The following AOPEP variants were observed in gnomAD, a reference collection of about 807,000 sequenced individuals.
AOPEP encodes aminopeptidase O.
A neutral mutation model predicts 98.1 loss-of-function variants in AOPEP; 77 were observed. The ratio of observed to expected loss-of-function variants is 0.78; its 90% CI spans 0.65 to 0.95. AOPEP has a LOEUF of 0.95. Among genes scored for constraint, AOPEP ranks in the 40% least tolerant of loss-of-function variants. The pLI is 0.00. For missense variants in AOPEP, 1,024 were observed against 1,024.7 expected, an observed-to-expected ratio of 1.00 and a Z score of 0.01; for synonymous variants, 346 against 365.3, an observed-to-expected ratio of 0.95 and a Z score of 0.60.
chr9:94,910,705 T>C (rs934678179), intron 5 of AOPEP, among the ~76,000 whole-genome samples: 1 of 152,228 alleles, frequency 6.6e-6, no homozygotes, highest in Non-Finnish European at 1.5e-5. Context: ...GCAGTGTTTC[T>C]AATTCTCTGT....
rs557317460 is a variant in AOPEP, at chr9:94,940,817, A to C, written c.1661+12286A>C. ...GCCTGGCTCGTCCCCTCATGTCCGC[A>C]TGGCTCTGGAGCTGGGCCCTTCCCT... is the stretch of plus-strand genomic sequence containing the variant. On this transcript the variant is annotated intron_variant, in intron 7 of 16. Coordinates refer to ENST00000375315, the MANE Select transcript of AOPEP (RefSeq NM_001193329.3). Among the ~76,000 whole-genome samples, 43 of 152,048 alleles carry C rather than the reference A, an allele frequency of 2.8e-4. 1 individual carries two copies. Among genetic ancestry groups the C allele is most frequent in the African/African-American group, 9.4e-4 (39 of 41,484 alleles).
chr9:95,069,756 T>C (rs2068287811), intron 14 of AOPEP, among the ~76,000 whole-genome samples: 1 of 152,238 alleles, frequency 6.6e-6, no homozygotes, highest in African/African-American at 2.4e-5. Flanking sequence ...GATCTCCATG[T>C]GCATGTCGAG....
At chr9:95,141,904 AACCTAATACT>A in the AOPEP span, among the ~76,000 whole-genome samples, 1 of 152,076 alleles carries the variant, frequency 6.6e-6, no homozygotes, top group Non-Finnish European at 1.5e-5. Context: ...AGTTTGCAAA[AACCTAATACT>A]ACACATTGTC....
At chr9:94,797,171 C>T (rs777987613) in intron 4 of AOPEP, among the ~76,000 whole-genome samples, 3 of 152,192 alleles carry the variant, frequency 2.0e-5, no homozygotes, top group African/African-American at 7.2e-5. Flanking sequence ...CGGTGGCTCA[C>T]GCCATTAATC....
intron 1 of AOPEP, among the ~76,000 whole-genome samples, chr9:94,748,684 T>C (rs939191268): frequency 6.6e-6 from 1 of 152,350 alleles, no homozygotes; most frequent in Admixed American, 6.5e-5. Context: ...ACACCTCCAT[T>C]CTGTAACACT....
At chr9:94,793,768 T>A (rs1846297353) in intron 4 of AOPEP, among the ~76,000 whole-genome samples, 1 of 152,026 alleles carries the variant, frequency 6.6e-6, no homozygotes, top group Non-Finnish European at 1.5e-5. Context: ...AGAAGGTAAG[T>A]ATATATGAAA....
the AOPEP span, among the ~76,000 whole-genome samples, chr9:95,120,867 CCCT>C: frequency 6.6e-6 from 1 of 151,644 alleles, no homozygotes; most frequent in Non-Finnish European, 1.5e-5. Context: ...TTCTTTTTTC[CCCT>C]CAATTTTTTT....
intron 5 of AOPEP, among the ~76,000 whole-genome samples, chr9:94,835,452 A>G (rs1168287475): frequency 6.6e-6 from 1 of 152,152 alleles, no homozygotes; most frequent in African/African-American, 2.4e-5. Context: ...CTAGTGATGG[A>G]TGGAAAGGGA....
chr9:95,086,366 T>C, intron 16 of AOPEP: 1 of 985,312 alleles, frequency 1.0e-6, no homozygotes, highest in Non-Finnish European at 1.2e-6. Flanking sequence ...AGGGCCCAGC[T>C]CTCCCACGGC....
At chr9:94,876,261 A>G (rs2046921373) in intron 5 of AOPEP, among the ~76,000 whole-genome samples, 1 of 152,168 alleles carries the variant, frequency 6.6e-6, no homozygotes, top group Non-Finnish European at 1.5e-5. Context: ...ATATTTAAAG[A>G]TGACAAAACC....
intron 1 of AOPEP, among the ~76,000 whole-genome samples, chr9:94,745,786 T>G (rs1397369775): frequency 6.6e-6 from 1 of 152,244 alleles, no homozygotes; most frequent in African/African-American, 2.4e-5. Flanking sequence ...ACACTTAGGT[T>G]GATGCCAAAT....
intron 5 of AOPEP, among the ~76,000 whole-genome samples, chr9:94,863,524 C>T (rs116000973): frequency 0.013 from 2,023 of 152,240 alleles, 60 homozygotes; most frequent in African/African-American, 0.046. Flanking sequence ...TCAGGTGATC[C>T]GCCTGCATGG....
intron 14 of AOPEP, among the ~76,000 whole-genome samples, chr9:95,062,805 C>T (rs1184983295): frequency 1.3e-5 from 2 of 152,210 alleles, no homozygotes; most frequent in Non-Finnish European, 2.9e-5. Flanking sequence ...AGGTTATGCA[C>T]ACCCTGCCTG....
At chr9:94,934,802 C>G (rs1055458449) in intron 7 of AOPEP, 1 of 152,484 alleles carries the variant, frequency 6.6e-6, no homozygotes, top group East Asian at 1.9e-4. Flanking sequence ...GTCATTCCTC[C>G]TCCATCTCCT....
chr9:95,014,502 G>A (rs2133011879), intron 13 of AOPEP, among the ~76,000 whole-genome samples: 1 of 152,128 alleles, frequency 6.6e-6, no homozygotes, highest in Middle Eastern at 3.4e-3. Flanking sequence ...AAACTTAAGA[G>A]TACTTCATTT....
At chr9:94,799,737 G>A (rs914722351) in intron 4 of AOPEP, among the ~76,000 whole-genome samples, 2 of 151,476 alleles carry the variant, frequency 1.3e-5, no homozygotes, top group South Asian at 2.1e-4. Context: ...TGGCACACAC[G>A]TGTAATCCCA....
intron 9 of AOPEP, among the ~76,000 whole-genome samples, chr9:94,957,622 A>T (rs549948621): frequency 6.6e-6 from 1 of 152,312 alleles, no homozygotes; most frequent in South Asian, 2.1e-4. Context: ...TTTTTGGTAT[A>T]TTTACAAGAT....
the AOPEP span, among the ~76,000 whole-genome samples, chr9:95,110,047 G>A: frequency 4.6e-5 from 7 of 152,220 alleles, no homozygotes; most frequent in African/African-American, 1.7e-4. Context: ...GGGCACCTGT[G>A]ACAGAATGGG....
At chr9:94,742,144 A>C (rs976930959) in intron 1 of AOPEP, among the ~76,000 whole-genome samples, 1 of 152,238 alleles carries the variant, frequency 6.6e-6, no homozygotes, top group Admixed American at 6.5e-5. Flanking sequence ...GCTGGGTCAC[A>C]GTTGTTGCAG....
Sources: allele counts gnomAD v4.1 joint callset (sites outside exome capture counted in the v4.1 genomes callset), GRCh38; gene constraint gnomAD v4.1.1; transcripts MANE v1.5; gene names NCBI Gene and HGNC (gene_info 2026-07-23, HGNC 2026-07-21).